Variants in ZNF716 observed in about 807,000 individuals in gnomAD.
The protein encoded by ZNF716 is zinc finger protein 716.
Under a neutral mutation model 13.4 loss-of-function variants are expected in ZNF716, and 9 were observed. The observed-to-expected ratio is 0.67, with a 90% CI of 0.41 to 1.18. The LOEUF is 1.18. Ranked by LOEUF, ZNF716 falls within the 50% of genes most tolerant of loss-of-function variation. ZNF716 has a pLI of 0.01. For synonymous variants in ZNF716, 186 were observed against 195.2 expected (o/e 0.95, Z 0.39); for missense variants, 581 against 576.6 (o/e 1.01, Z -0.08).
intron 3 of ZNF716, among the ~76,000 whole-genome samples, chr7:57,464,132 T>TTTTTC (rs1789761888): frequency 6.9e-6 from 1 of 144,632 alleles, no homozygotes; most frequent in Non-Finnish European, 1.5e-5. Context: ...CTTTTTTTTT[T>TTTTTC]TTTTTTGAGA....
At position 57,469,726 on chromosome 7, in the gene ZNF716, C is replaced by T; in HGVS notation, c.1265C>T (p.Thr422Ile). The T allele has an allele frequency of 6.2e-7, 1 of 1,613,050 alleles. No individual in the cohort carries two copies. The highest frequency in any genetic ancestry group is 1.3e-5 in the African/African-American group (1 of 74,868). ...GGCAAAGCCTTTAACTGCTCCTCAA[C>T]CCTTAAGAAACATAAGATAATTCAT... is the stretch of plus-strand genomic sequence containing the variant. ...ECGKAFNCSSTLKKHKIIHTG... is the reference protein window; with the variant it reads ...ECGKAFNCSSILKKHKIIHTG... Residue 422 changes from threonine to isoleucine, a missense_variant, in exon 4 of 4, where the codon ACC (threonine) becomes ATC (isoleucine). Transcript: ENST00000420713.
In ZNF716 at chr7:57,470,187, C is replaced by CAA. The variant is rs1279866535; in HGVS notation, c.*239_*240insAA. The CAA allele has an allele frequency of 2.7e-5, 9 of 337,992 alleles. No homozygotes were observed. Among genetic ancestry groups the CAA allele is most frequent in the Non-Finnish European group, 4.1e-5 (8 of 192,784 alleles). The allele number at this position is 337,992 out of a possible 1,614,324, so 20.9% of individuals were successfully genotyped here. ...TTTATTTAAAAAAATTTTTTTGAGA[C>CAA]AGAGTCTCACTTTGTCACCCAGGCT... On this transcript the variant is annotated 3_prime_UTR_variant, in exon 4 of 4. Coordinates refer to ENST00000420713, the MANE Select transcript of ZNF716 (RefSeq NM_001159279.1).
At chr7:57,456,418 G>A (rs1252130722) in intron 1 of ZNF716, among the ~76,000 whole-genome samples, 2 of 152,130 alleles carry the variant, frequency 1.3e-5, no homozygotes, top group African/African-American at 4.8e-5. Flanking sequence ...TTTGTGACAG[G>A]CATGTGCAGT....
At chr7:57,455,342 AT>A (rs1221290528) in intron 1 of ZNF716, among the ~76,000 whole-genome samples, 3 of 152,200 alleles carry the variant, frequency 2.0e-5, no homozygotes, top group Non-Finnish European at 4.4e-5. Context: ...ATTAAAAAAT[AT>A]TTTGGCCACT....
At chr7:57,450,378 T>A (rs190868129) in intron 1 of ZNF716, 51 bp downstream of exon 1, 1 of 1,613,592 alleles carries the variant, frequency 6.2e-7, no homozygotes, top group African/African-American at 1.3e-5. Context: ...TGGTTGGAAC[T>A]GACTGAAAGT....
chr7:57,463,404 A>G (rs1789744449), intron 3 of ZNF716, among the ~76,000 whole-genome samples: 1 of 152,220 alleles, frequency 6.6e-6, no homozygotes, highest in Admixed American at 6.5e-5. Flanking sequence ...AGTGCGAGCT[A>G]AAGTTTTCTT....
chr7:57,469,668 A>G lies in ZNF716; in HGVS notation c.1207A>G (p.Thr403Ala). Residue 403 changes from threonine to alanine, a missense_variant, in exon 4 of 4, where the codon ACT (threonine) becomes GCT (alanine). Coordinates refer to ENST00000420713, the MANE Select transcript of ZNF716 (RefSeq NM_001159279.1). ...CTTCACTTACCACAAGAGAACTCAT[A>G]CTGGAGAGAAACCCTACAAATGTGA... ...STFTYHKRTH[T>A]GEKPYKCEEC... The G allele has an allele frequency of 6.2e-7, 1 of 1,609,702 alleles. No homozygotes were observed. Among genetic ancestry groups the G allele is most frequent in the Non-Finnish European group, 8.5e-7 (1 of 1,176,802 alleles).
intron 1 of ZNF716, among the ~76,000 whole-genome samples, chr7:57,451,571 C>G (rs1441336480): frequency 1.3e-5 from 2 of 151,154 alleles, no homozygotes; most frequent in Non-Finnish European, 2.9e-5. Flanking sequence ...CCTCAGCCTC[C>G]TGAGTAGCTG....
At chr7:57,460,554 T>A (rs1223740634) in intron 1 of ZNF716, among the ~76,000 whole-genome samples, 1 of 152,100 alleles carries the variant, frequency 6.6e-6, no homozygotes, top group African/African-American at 2.4e-5. Flanking sequence ...CTGAAAAAAA[T>A]ATTTTTTTTC....
At chr7:57,462,873 T>G (rs1401467482) in intron 2 of ZNF716, among the ~76,000 whole-genome samples, 200 bp from the exon 3 acceptor site, 5 of 152,198 alleles carry the variant, frequency 3.3e-5, no homozygotes, top group Admixed American at 6.5e-5. Flanking sequence ...TACCACCAAT[T>G]TTTGATTCAG....
intron 1 of ZNF716, among the ~76,000 whole-genome samples, chr7:57,455,293 C>G (rs1405954486): frequency 3.3e-5 from 5 of 152,114 alleles, no homozygotes. Flanking sequence ...ACTCAAAGGT[C>G]AGGAGCCCTG....
chr7:57,469,978 T>A lies in ZNF716; in HGVS notation c.*29T>A. On this transcript the variant is annotated 3_prime_UTR_variant, in exon 4 of 4. Transcript: ENST00000420713. ...GGTAAAGTCCAGCCCTCAGGCCTTATAATACATAAAATAATTTATACTGGA... is the reference window on the plus strand; with the variant it reads ...GGTAAAGTCCAGCCCTCAGGCCTTAAAATACATAAAATAATTTATACTGGA... 6.7e-7 allele frequency: 1 copy of A among 1,488,122 alleles called. No individual in the cohort carries two copies. Among genetic ancestry groups the A allele is most frequent in the Middle Eastern group, 1.8e-4 (1 of 5,662 alleles). 92.2% of individuals were successfully genotyped at this position (1,488,122 alleles called of 1,614,324 possible).
At position 57,469,639 on chromosome 7, in the gene ZNF716, C is replaced by T. The variant is rs782635390; in HGVS notation, c.1178C>T (p.Ser393Leu). 1.1e-5 allele frequency: 17 copies of T among 1,613,380 alleles called. No individual in the cohort carries two copies. The highest frequency in any genetic ancestry group is 6.7e-5 in the Admixed American group (4 of 59,864). Residue 393 changes from serine (S) to leucine (L), a missense_variant, in exon 4 of 4, where the codon TCA becomes TTA. Coordinates refer to ENST00000420713, the MANE Select transcript of ZNF716 (RefSeq NM_001159279.1). ...EECGKAFSLP[S>L]TFTYHKRTHT... ...TGTGGCAAAGCCTTTAGCTTACCCT[C>T]AACCTTCACTTACCACAAGAGAACT...
intron 1 of ZNF716, among the ~76,000 whole-genome samples, chr7:57,459,988 G>A (rs1167446159): frequency 3.5e-5 from 4 of 114,774 alleles, no homozygotes; most frequent in African/African-American, 1.4e-4. Context: ...TTCTCAAGAT[G>A]CAGGTTTGAT....
intron 1 of ZNF716, among the ~76,000 whole-genome samples, chr7:57,454,583 G>C (rs10270242): frequency 0.036 from 5,458 of 152,272 alleles, 314 homozygotes; most frequent in East Asian, 0.24. Flanking sequence ...AGCAACAGAG[G>C]CAGGGAAACC....
chr7:57,458,852 T>C (rs4870663), intron 1 of ZNF716, among the ~76,000 whole-genome samples: 119,381 of 152,220 alleles, frequency 0.78, 47,298 homozygotes, highest in East Asian at 0.91. Context: ...TTGCTCTTTT[T>C]GAATTCTTTT....
At chr7:57,466,383 T>C (rs1286258459) in intron 3 of ZNF716, among the ~76,000 whole-genome samples, 1 of 152,102 alleles carries the variant, frequency 6.6e-6, no homozygotes, top group African/African-American at 2.4e-5. Flanking sequence ...CAGTGTTAGA[T>C]GTGGGGCCTA....
intron 1 of ZNF716, among the ~76,000 whole-genome samples, chr7:57,457,447 C>T (rs1295942847): frequency 2.0e-5 from 3 of 152,110 alleles, no homozygotes; most frequent in Non-Finnish European, 2.9e-5. Flanking sequence ...CAGGTTCAAG[C>T]GATTCTCCTG....
intron 3 of ZNF716, among the ~76,000 whole-genome samples, chr7:57,466,719 C>A (rs1483212344): frequency 6.6e-6 from 1 of 151,982 alleles, no homozygotes; most frequent in Non-Finnish European, 1.5e-5. Context: ...TATAGCAATG[C>A]AGAATGAATT....
Sources: gnomAD v4.1 joint callset for allele counts (sites outside exome capture counted in the v4.1 genomes callset) on GRCh38, gnomAD v4.1.1 for gene constraint, MANE v1.5 for transcripts, NCBI Gene and HGNC (gene_info 2026-07-23, HGNC 2026-07-21) for gene names.